Variants in PPP1R37 observed in about 807,000 individuals in gnomAD.
PPP1R37 encodes the protein leucine rich repeat containing 68.
In PPP1R37, 21 loss-of-function variants were observed where a neutral mutation model predicts 61.0. The observed-to-expected ratio is 0.34, with a 90% CI of 0.24 to 0.50. The LOEUF (loss-of-function observed/expected upper bound fraction) is 0.50, where lower values mean the gene tolerates loss of function less well. Ranked by LOEUF, PPP1R37 falls within the 20% of genes least tolerant of loss-of-function variation. The pLI is 0.98. For synonymous variants in PPP1R37, 443 were observed against 433.5 expected, an observed-to-expected ratio of 1.02 and a Z score of -0.27; for missense variants, 910 against 952.7, an observed-to-expected ratio of 0.96 and a Z score of 0.59.
chr19:45,122,422 A>G (rs1206662805), intron 1 of PPP1R37, among the ~76,000 whole-genome samples: 1 of 152,132 alleles, frequency 6.6e-6, no homozygotes, highest in African/African-American at 2.4e-5. Flanking sequence ...TTTATTGAGC[A>G]CTTACTGTGT....
intron 1 of PPP1R37, among the ~76,000 whole-genome samples, chr19:45,116,315 T>C (rs1408197106): frequency 6.6e-6 from 1 of 151,964 alleles, no homozygotes; most frequent in Non-Finnish European, 1.5e-5. Flanking sequence ...TTCACTGGAG[T>C]GGGCAGGCCT....
At chr19:45,100,028 A>G (rs970390696) in intron 1 of PPP1R37, 1 of 152,254 alleles carries the variant, frequency 6.6e-6, no homozygotes, top group Non-Finnish European at 1.5e-5. Flanking sequence ...CTTCACAGGC[A>G]TCCGACTCCA....
In PPP1R37 at chr19:45,146,742, C is replaced by A. The variant is rs1449440909; in HGVS notation, c.*180C>A. 2.4e-6 allele frequency: 1 copy of A among 424,298 alleles called. No individual in the cohort carries two copies. The highest frequency in any genetic ancestry group is 2.0e-5 in the African/African-American group (1 of 49,514). The allele number at this position is 424,298 out of a possible 1,614,324, so 26.3% of individuals were successfully genotyped here. ...TGCAGGAGCTACAGGGAGTGGCCCT[C>A]CGCGCGTGACTCAAGCACTTCTATT... On this transcript the variant is annotated 3_prime_UTR_variant, in exon 13 of 13. Transcript: ENST00000221462.
intron 1 of PPP1R37, among the ~76,000 whole-genome samples, chr19:45,094,779 G>A (rs1282986922): frequency 1.3e-5 from 2 of 152,080 alleles, no homozygotes; most frequent in African/African-American, 4.8e-5. Context: ...AGAAATTGGA[G>A]TTGCTGGCCA....
rs1421613464 is a variant in PPP1R37 at position 45,142,134 on chromosome 19, C to T, written c.641C>T (p.Ala214Val). ...CACTCGGCGCCCTTCGTGGCCCGTG[C>T]CCTGCGCATCCGCAGCAGCCTGGCA... ...LDHSAPFVAR[A>V]LRIRSSLAVL... The change falls in exon 6 of 13, where the codon GCC (alanine) becomes GTC (valine). Residue 214 changes from alanine to valine, a missense_variant. Physicochemically the swap from Ala to Val is moderately conservative, Grantham distance 64 (BLOSUM62 0). This residue lies in a region of PPP1R37 where 280 missense variants were observed against 382.2 expected (regional missense o/e 0.73). Transcript: ENST00000221462. The T allele has an allele frequency of 6.5e-7, 1 of 1,535,282 alleles. No individual in the cohort carries two copies. Among genetic ancestry groups the T allele is most frequent in the Non-Finnish European group, 8.7e-7 (1 of 1,146,544 alleles).
chr19:45,141,956 G>C, intron 5 of PPP1R37, 105 bp from the exon 6 acceptor site: 1 of 1,233,020 alleles, frequency 8.1e-7, no homozygotes, highest in African/African-American at 1.5e-5. Flanking sequence ...TTGAGACATG[G>C]GGGCACAGGT....
chr19:45,134,814 G>T (rs560140210), intron 1 of PPP1R37, among the ~76,000 whole-genome samples: 10 of 152,284 alleles, frequency 6.6e-5, no homozygotes, highest in African/African-American at 2.2e-4. Flanking sequence ...GACTCTGGTG[G>T]TGACTCCTGC....
At chr19:45,095,758 TAAAA>T (rs371559844) in intron 1 of PPP1R37, among the ~76,000 whole-genome samples, 1 of 117,106 alleles carries the variant, frequency 8.5e-6, no homozygotes, top group African/African-American at 3.2e-5. Flanking sequence ...GACCCGGTCT[TAAAA>T]AAAAAAAAAA....
rs754513726 is a variant in PPP1R37, at chr19:45,121,943, G to T, written c.203-16571G>T. On this transcript the variant is annotated intron_variant, in intron 1 of 12. Transcript: ENST00000221462. This position sits in a 1 kb window ranked among gnomAD's most constrained non-coding sequence, Gnocchi z 4.2. ...AGGCGGGAGTGAGGATGGTCTCCACGTGGGCAGTGTAGACGTGTGGTTTTG... is the reference window on the plus strand; with the variant it reads ...AGGCGGGAGTGAGGATGGTCTCCACTTGGGCAGTGTAGACGTGTGGTTTTG... Among the ~76,000 whole-genome samples the T allele has an allele frequency of 6.6e-6, 1 of 152,350 alleles. No homozygotes were observed. Among genetic ancestry groups the T allele is most frequent in the East Asian group, 1.9e-4 (1 of 5,186 alleles).
chr19:45,105,997 G>A (rs1178379054), intron 1 of PPP1R37, among the ~76,000 whole-genome samples: 1 of 152,232 alleles, frequency 6.6e-6, no homozygotes, highest in Non-Finnish European at 1.5e-5. Context: ...TGGTCCTGGG[G>A]TGGAGCAGAC....
intron 2 of PPP1R37, among the ~76,000 whole-genome samples, chr19:45,139,016 C>T (rs2041261): frequency 0.036 from 5,154 of 142,958 alleles, 296 homozygotes; most frequent in African/African-American, 0.13. Context: ...TGGGTTCAAG[C>T]GATTCTCCTG....
Position 45,141,403 on chromosome 19 carries a change from A to G in PPP1R37, c.529A>G (p.Thr177Ala), listed in dbSNP as rs557907651. Residue 177 changes from threonine (T) to alanine (A), a missense_variant, in exon 5 of 13, where the codon ACC (threonine) becomes GCC (alanine). Physicochemically the swap from Thr to Ala is moderately conservative, Grantham distance 58. Coordinates refer to ENST00000221462, the MANE Select transcript of PPP1R37 (RefSeq NM_019121.2). ...LNISFNKHIG[T>A]RGWQAAAHMM... The stretch of plus-strand genomic sequence containing the variant: ...CATCTCCTTCAACAAGCACATCGGC[A>G]CCCGGGGCTGGCAGGCGGCCGCCCA... 1 of 1,535,686 alleles carries G rather than the reference A, an allele frequency of 6.5e-7. No homozygotes were observed. Among genetic ancestry groups the G allele is most frequent in the East Asian group, 2.4e-5 (1 of 40,860 alleles).
At chr19:45,142,015 G>T (rs1287595314) in intron 5 of PPP1R37, 46 bp from the exon 6 acceptor site, 3 of 1,455,182 alleles carry the variant, frequency 2.1e-6, no homozygotes, top group Admixed American at 2.4e-5. Context: ...GGAGTGCTGG[G>T]GCAGGCCTGA....
chr19:45,100,136 G>C (rs1968043942), intron 1 of PPP1R37: 2 of 152,344 alleles, frequency 1.3e-5, no homozygotes, highest in South Asian at 4.1e-4. Flanking sequence ...TTTTACAAAA[G>C]CTCCCCAGGT....
chr19:45,141,582 G>C, intron 5 of PPP1R37, 141 bp downstream of exon 5: 1 of 1,173,490 alleles, frequency 8.5e-7, no homozygotes, highest in South Asian at 1.6e-5. Flanking sequence ...CTGGCCCTCA[G>C]GCCAGGAGAA....
intron 1 of PPP1R37, among the ~76,000 whole-genome samples, chr19:45,118,620 G>A (rs747720883): frequency 3.9e-5 from 6 of 152,184 alleles, no homozygotes; most frequent in Non-Finnish European, 5.9e-5. Flanking sequence ...ACTCCCTGCC[G>A]AACGTTGGGA....
chr19:45,105,506 A>T (rs966588935), intron 1 of PPP1R37, among the ~76,000 whole-genome samples: 4 of 152,076 alleles, frequency 2.6e-5, no homozygotes, highest in African/African-American at 9.7e-5. Context: ...ACGGGGTGGC[A>T]GGCAAGGTTC....
intron 7 of PPP1R37, chr19:45,142,718 A>G: frequency 1.9e-6 from 1 of 521,226 alleles, no homozygotes; most frequent in Non-Finnish European, 3.4e-6. Context: ...AGCTCAGCTG[A>G]CAGCCGCAGG....
intron 1 of PPP1R37, among the ~76,000 whole-genome samples, chr19:45,107,534 G>A (rs969164564): frequency 6.6e-6 from 1 of 152,154 alleles, no homozygotes; most frequent in Non-Finnish European, 1.5e-5. Context: ...AGCCCAGGAG[G>A]TCGAGGCTGC....
Sources: gnomAD v4.1 joint callset for allele counts (sites outside exome capture counted in the v4.1 genomes callset) on GRCh38, gnomAD v4.1.1 for gene constraint, gnomAD v4.1.1 regional missense constraint, Gnocchi (gnomAD v3.1) non-coding constraint, MANE v1.5 for transcripts, NCBI Gene and HGNC (gene_info 2026-07-23, HGNC 2026-07-21) for gene names.